CFAP299: variants seen among roughly 807,000 people sequenced by gnomAD.
CFAP299 encodes the protein cilia- and flagella-associated protein 299.
A neutral mutation model predicts 27.0 loss-of-function variants in CFAP299; 21 were observed. That is an observed-to-expected ratio of 0.78 (90% confidence interval 0.55 to 1.12). CFAP299 has a LOEUF of 1.12. Among genes scored for constraint, CFAP299 ranks in the 50% most tolerant of loss-of-function variants. The pLI, the probability that CFAP299 is intolerant of heterozygous loss-of-function variation, is 0.00. For synonymous variants in CFAP299, 104 were observed against 98.1 expected (o/e 1.06, Z -0.36); for missense variants, 310 against 276.6 (o/e 1.12, Z -0.86).
intron 3 of CFAP299, among the ~76,000 whole-genome samples, chr4:80,777,882 C>A (rs1433117990): frequency 2.6e-5 from 4 of 151,996 alleles, no homozygotes; most frequent in Non-Finnish European, 5.9e-5. Context: ...CAAGATTTAC[C>A]ATGTTGATAT....
chr4:80,472,329 A>G (rs1426028551), intron 2 of CFAP299, among the ~76,000 whole-genome samples: 2 of 152,128 alleles, frequency 1.3e-5, no homozygotes, highest in Non-Finnish European at 2.9e-5. Context: ...GAGTGAAAGA[A>G]CTCTATAACA....
chr4:80,921,168 T>C (rs1343498088), intron 4 of CFAP299, among the ~76,000 whole-genome samples: 3 of 152,074 alleles, frequency 2.0e-5, no homozygotes, highest in Non-Finnish European at 4.4e-5. Context: ...ATTTTCAAAA[T>C]TGATATCATG....
At chr4:80,915,652 G>A (rs1735707330) in intron 4 of CFAP299, among the ~76,000 whole-genome samples, 1 of 151,540 alleles carries the variant, frequency 6.6e-6, no homozygotes, top group African/African-American at 2.4e-5. Flanking sequence ...TCTCCTTCTA[G>A]AACTCCAATT....
chr4:80,858,590 G>A (rs1290306824), intron 3 of CFAP299, among the ~76,000 whole-genome samples: 1 of 152,062 alleles, frequency 6.6e-6, no homozygotes, highest in Non-Finnish European at 1.5e-5. Context: ...ATGCGTCCCA[G>A]GGATTCTGGT....
rs114084931 is a variant in CFAP299, at chr4:80,597,283, A to G, written c.333+14100A>G. Reference sequence around the variant, plus strand: ...TATTCTAGTAAGTATATAGCATTATATCATTGTAGTTTAAATTTGCATTTA... The same window carrying G: ...TATTCTAGTAAGTATATAGCATTATGTCATTGTAGTTTAAATTTGCATTTA... On this transcript the variant is annotated intron_variant, in intron 3 of 5. Coordinates refer to ENST00000358105, the MANE Select transcript of CFAP299 (RefSeq NM_152770.3). Among the ~76,000 whole-genome samples the G allele has an allele frequency of 5.8e-3, 884 of 152,312 alleles. 6 individuals are homozygous for G. The highest frequency in any genetic ancestry group is 0.02 in the African/African-American group (826 of 41,580).
chr4:80,873,592 A>G (rs1177053177), intron 4 of CFAP299, among the ~76,000 whole-genome samples: 1 of 152,192 alleles, frequency 6.6e-6, no homozygotes, highest in Non-Finnish European at 1.5e-5. Context: ...GAAAAGATAA[A>G]GAGTAAACCA....
chr4:80,509,974 A>G (rs1732217590), intron 2 of CFAP299, among the ~76,000 whole-genome samples: 1 of 151,844 alleles, frequency 6.6e-6, no homozygotes, highest in South Asian at 2.1e-4. Flanking sequence ...AGCTTCATGG[A>G]CAAGCAACCT....
chr4:80,776,186 A>G (rs1362798927), intron 3 of CFAP299, among the ~76,000 whole-genome samples: 1 of 152,144 alleles, frequency 6.6e-6, no homozygotes, highest in Non-Finnish European at 1.5e-5. Flanking sequence ...TAAGAGCAGG[A>G]GCATACAAGT....
At chr4:80,412,816 T>C (rs1726792465) in intron 2 of CFAP299, among the ~76,000 whole-genome samples, 1 of 152,178 alleles carries the variant, frequency 6.6e-6, no homozygotes, top group African/African-American at 2.4e-5. Flanking sequence ...ACCAAATCCC[T>C]GGTTAAAGTA....
upstream of CFAP299, among the ~76,000 whole-genome samples, chr4:80,332,647 G>T (rs1041115661): frequency 6.6e-6 from 1 of 152,112 alleles, no homozygotes; most frequent in African/African-American, 2.4e-5. Context: ...TTTGAGAAAG[G>T]ATGATATAAG....
chr4:80,870,918 T>C (rs1163915648), intron 4 of CFAP299: 2 of 978,760 alleles, frequency 2.0e-6, no homozygotes, highest in Admixed American at 6.1e-5. Context: ...TTGATTTGTT[T>C]GTTTTTGAGA....
intron 2 of CFAP299, among the ~76,000 whole-genome samples, chr4:80,513,453 C>A (rs1732419905): frequency 6.6e-6 from 1 of 152,088 alleles, no homozygotes; most frequent in Admixed American, 6.6e-5. Context: ...ATACAAATGA[C>A]AGTCTAAAAT....
chr4:80,409,740 T>C (rs1726616368), intron 2 of CFAP299, among the ~76,000 whole-genome samples: 1 of 152,184 alleles, frequency 6.6e-6, no homozygotes, highest in African/African-American at 2.4e-5. Context: ...ACCTGAAATC[T>C]GATATGAGCC....
chr4:80,902,604 C>CACAT (rs1734983760), intron 4 of CFAP299, among the ~76,000 whole-genome samples: 1 of 147,554 alleles, frequency 6.8e-6, no homozygotes, highest in African/African-American at 2.5e-5. Context: ...CACACACACA[C>CACAT]ACACACACAC....
chr4:80,800,115 A>C (rs1039435851), intron 3 of CFAP299, among the ~76,000 whole-genome samples: 2 of 71,758 alleles, frequency 2.8e-5, no homozygotes, highest in East Asian at 9.2e-4. Context: ...TATTATATAT[A>C]AGATATTAAT....
chr4:80,704,854 T>C (rs1721728879), intron 3 of CFAP299, among the ~76,000 whole-genome samples: 1 of 151,846 alleles, frequency 6.6e-6, no homozygotes, highest in African/African-American at 2.4e-5. Flanking sequence ...GATTTTTGTA[T>C]TATGTAAATT....
intron 3 of CFAP299, among the ~76,000 whole-genome samples, chr4:80,677,435 A>G (rs1208865392): frequency 6.6e-6 from 1 of 152,026 alleles, no homozygotes; most frequent in East Asian, 1.9e-4. Flanking sequence ...TGTGATTGCT[A>G]TGTATTTTTG....
chr4:80,389,008 T>A (rs1023949788), intron 2 of CFAP299, among the ~76,000 whole-genome samples: 14 of 152,198 alleles, frequency 9.2e-5, no homozygotes, highest in Admixed American at 8.5e-4. Context: ...TGTTTTTGTG[T>A]GTTTAACATG....
At chr4:80,596,900 G>T (rs1365665246) in intron 3 of CFAP299, among the ~76,000 whole-genome samples, 2 of 152,112 alleles carry the variant, frequency 1.3e-5, no homozygotes, top group African/African-American at 2.4e-5. Flanking sequence ...ATGTTGTCGT[G>T]TGCAGTTGTG....
Sources: gnomAD v4.1 joint callset for allele counts (sites outside exome capture counted in the v4.1 genomes callset) on GRCh38, gnomAD v4.1.1 for gene constraint, MANE v1.5 for transcripts, NCBI Gene and HGNC (gene_info 2026-07-23, HGNC 2026-07-21) for gene names.